Variants in ABL1 observed in about 807,000 individuals in gnomAD.
ABL1 encodes the protein ABL proto-oncogene 1, non-receptor tyrosine kinase, also known as tyrosine-protein kinase ABL1.
Under a neutral mutation model 94.7 loss-of-function variants are expected in ABL1, and 11 were observed. The observed-to-expected ratio is 0.12, with a 90% CI of 0.07 to 0.19. ABL1 has a LOEUF of 0.19. Ranked by LOEUF, ABL1 falls within the 10% of genes least tolerant of loss-of-function variation. The pLI, the probability that ABL1 is intolerant of heterozygous loss-of-function variation, is 1.00. For synonymous variants in ABL1, 656 were observed against 622.4 expected (o/e 1.05, Z -0.80); for missense variants, 1,082 against 1,489.4 (o/e 0.73, Z 4.50).
At chr9:130,713,922 A>G (rs34616588) in exon 1 of ABL1, 9,102 of 234,566 alleles carry the variant, frequency 0.039, 297 homozygotes, top group African/African-American at 0.1. Flanking sequence ...GGAGTAGCCA[A>G]AGACCATCAG....
At chr9:130,759,726 A>G (rs1180169188) in intron 1 of ABL1, among the ~76,000 whole-genome samples, 1 of 152,188 alleles carries the variant, frequency 6.6e-6, no homozygotes, top group African/African-American at 2.4e-5. Context: ...ACCATGTCTC[A>G]GTGGTGGAGC....
chr9:130,862,845 C>T lies in ABL1; in HGVS notation c.632C>T (p.Thr211Ile). 1.9e-6 allele frequency: 3 copies of T among 1,613,966 alleles called. No individual in the cohort carries two copies. The highest frequency in any genetic ancestry group is 2.5e-6 in the Non-Finnish European group (3 of 1,180,006). Residue 211 changes from threonine (T) to isoleucine (I), a missense_variant, in exon 4 of 11, where the codon ACC becomes ATC. Around this residue, in one of 7 missense-constraint regions of ABL1, gnomAD observed 92 missense variants for 212.3 expected, o/e 0.43. Coordinates refer to ENST00000318560, the MANE Select transcript of ABL1 (RefSeq NM_005157.6). The surrounding 1 kb of genome is among the most constrained non-coding windows in gnomAD (Gnocchi z 5.5). Reference protein sequence around the residue: ...HHSTVADGLITTLHYPAPKRN... With the variant: ...HHSTVADGLIITLHYPAPKRN... ...TCAACGGTGGCCGACGGGCTCATCA[C>T]CACGCTCCATTATCCAGCCCCAAAG...
At chr9:130,878,031 T>G (rs991833084) in intron 7 of ABL1, among the ~76,000 whole-genome samples, 3 of 152,132 alleles carry the variant, frequency 2.0e-5, no homozygotes, top group African/African-American at 4.8e-5. Flanking sequence ...GCCAGGATGG[T>G]CTCAATCTCC....
intron 8 of ABL1, 98 bp downstream of exon 8, chr9:130,878,665 A>G (rs1831394035): frequency 2.1e-6 from 3 of 1,431,372 alleles, no homozygotes; most frequent in African/African-American, 2.8e-5. Flanking sequence ...TTTTTCCATG[A>G]GCTCTCTCCA....
chr9:130,874,502 C>T (rs150533552), intron 6 of ABL1, among the ~76,000 whole-genome samples: 214 of 152,282 alleles, frequency 1.4e-3, no homozygotes, highest in African/African-American at 4.9e-3. Flanking sequence ...TTACTATTCT[C>T]GACACTTCAA....
At chr9:130,865,930 T>C (rs990840010) in intron 4 of ABL1, among the ~76,000 whole-genome samples, 6 of 152,202 alleles carry the variant, frequency 3.9e-5, no homozygotes. Flanking sequence ...TCCCGGACCC[T>C]AAAATCCCAA....
intron 1 of ABL1, among the ~76,000 whole-genome samples, chr9:130,827,922 T>TAAAC (rs1436345647): frequency 2.1e-5 from 3 of 145,218 alleles, no homozygotes; most frequent in Admixed American, 1.4e-4. Flanking sequence ...AATAAATAAA[T>TAAAC]AAATAAATAA....
Position 130,884,310 on chromosome 9 carries a change from C to T in ABL1, c.2020C>T (p.Arg674Trp), listed in dbSNP as rs776289598. The T allele has an allele frequency of 8.7e-6, 14 of 1,610,938 alleles. No individual in the cohort carries two copies. The highest frequency in any genetic ancestry group is 5.5e-5 in the South Asian group (5 of 90,890). The change falls in exon 11 of 11, where the codon CGG (arginine) becomes TGG (tryptophan). Residue 674 changes from arginine (R) to tryptophan (W), a missense_variant. Coordinates refer to ENST00000318560, the MANE Select transcript of ABL1 (RefSeq NM_005157.6). This position sits in a 1 kb window ranked among gnomAD's most constrained non-coding sequence, Gnocchi z 5.6. ...GGCTGGGGTCCCCAATGGAGCCCTCCGGGAGTCCGGGGGCTCAGGCTTCCG... is the reference window on the plus strand; with the variant it reads ...GGCTGGGGTCCCCAATGGAGCCCTCTGGGAGTCCGGGGGCTCAGGCTTCCG... ...NGAGVPNGALRESGGSGFRSP... is the reference protein window; with the variant it reads ...NGAGVPNGALWESGGSGFRSP...
intron 1 of ABL1, among the ~76,000 whole-genome samples, chr9:130,740,115 T>C (rs1293688998): frequency 6.6e-6 from 1 of 152,212 alleles, no homozygotes; most frequent in African/African-American, 2.4e-5. Context: ...CAACTTCCAC[T>C]GAAGTGGGAA....
In ABL1 at chr9:130,863,152, G is replaced by A. The variant is rs1016277488; in HGVS notation, c.822+117G>A. 2.0e-5 allele frequency: 24 copies of A among 1,229,382 alleles called. No individual in the cohort carries two copies. The highest frequency in any genetic ancestry group is 8.6e-5 in the Admixed American group (3 of 34,778). The allele number at this position is 1,229,382 out of a possible 1,614,324, so 76.2% of individuals were successfully genotyped here. A position where few individuals can be genotyped will look rare whatever the true frequency, so the allele number is the denominator to read the frequency against. ...CCTGCTGTCCGAGGGCTTCATTGGC[G>A]CCACGGAATTGACTTTTCCGTCTTA... On this transcript the variant is annotated intron_variant, in intron 4 of 10. Transcript: ENST00000318560. This position sits in a 1 kb window ranked among gnomAD's most constrained non-coding sequence, Gnocchi z 4.3.
upstream of ABL1, among the ~76,000 whole-genome samples, chr9:130,831,680 C>T (rs1412120746): frequency 2.0e-5 from 3 of 152,206 alleles, no homozygotes; most frequent in East Asian, 5.8e-4. Context: ...GCAATCTTGG[C>T]ACACTGCAAC....
At chr9:130,829,552 G>A (rs545409047) in intron 1 of ABL1, among the ~76,000 whole-genome samples, 1 of 137,072 alleles carries the variant, frequency 7.3e-6, no homozygotes, top group South Asian at 2.2e-4. Context: ...GTGACAGAGC[G>A]AGACTACGTC....
In ABL1 at chr9:130,735,961, A is replaced by ATATATATTTTTT. The variant is rs573602038; in HGVS notation, c.136+21507_136+21508insATATATTTTTTT. On this transcript the variant is annotated intron_variant, in intron 1 of 10. Transcript: ENST00000372348. Reference sequence around the variant, plus strand: ...TATATATATATATATATATATATATATTTTTTTTTTTTAAGACAGGGTCTG... The same window carrying ATATATATTTTTT: ...TATATATATATATATATATATATATATATATATTTTTTTTTTTTTTTTTTAAGACAGGGTCTG... Among the ~76,000 whole-genome samples, 88 of 94,812 alleles carry ATATATATTTTTT rather than the reference A, an allele frequency of 9.3e-4. 1 individual carries two copies. The highest frequency in any genetic ancestry group is 4.8e-3 in the Middle Eastern group (1 of 208). The allele number at this position is 94,812 out of a possible 152,430, so 62.2% of individuals were successfully genotyped here. A position where few individuals can be genotyped will look rare whatever the true frequency, so the allele number is the denominator to read the frequency against.
chr9:130,861,555 CCTTTT>C (rs1161869506), intron 3 of ABL1, among the ~76,000 whole-genome samples: 5 of 152,134 alleles, frequency 3.3e-5, no homozygotes, highest in South Asian at 4.1e-4. Flanking sequence ...CTTTTTCTTC[CCTTTT>C]CTTTTTTTTT....
rs377034573 is a variant in ABL1, at chr9:130,885,335, C to G, written c.3045C>G (p.Thr1015=). 2.7e-5 allele frequency: 44 copies of G among 1,613,706 alleles called. No homozygotes were observed. In the African/African-American group the frequency reaches 4.8e-4, roughly 18 times the overall value. ...CAACCCGAGTGTCTCTTCGGAAAACCCGCCAGCCTCCAGAGCGGATCGCCA... is the reference window on the plus strand; with the variant it reads ...CAACCCGAGTGTCTCTTCGGAAAACGCGCCAGCCTCCAGAGCGGATCGCCA... ...LISTRVSLRK[T]RQPPERIASG... is the part of the protein sequence containing the mutation. Residue 1015 remains threonine (T), a synonymous_variant, in exon 11 of 11, where the codon ACC becomes ACG. Transcript: ENST00000318560.
intron 1 of ABL1, among the ~76,000 whole-genome samples, chr9:130,811,869 G>T (rs1442922716): frequency 1.5e-5 from 2 of 132,942 alleles, no homozygotes; most frequent in Admixed American, 9.0e-5. Context: ...CGGAGATAGT[G>T]CTACTGCACT....
At chr9:130,751,947 G>T (rs374246925) in intron 1 of ABL1, among the ~76,000 whole-genome samples, 1 of 152,132 alleles carries the variant, frequency 6.6e-6, no homozygotes, top group Admixed American at 6.5e-5. Flanking sequence ...TTCAGCCTCC[G>T]CACTATTAGA....
At chr9:130,830,660 C>T (rs1830484118), upstream of ABL1, among the ~76,000 whole-genome samples, 1 of 152,188 alleles carries the variant, frequency 6.6e-6, no homozygotes, top group African/African-American at 2.4e-5. Context: ...GGAACACAGA[C>T]CTGATACAGA....
At chr9:130,827,796 A>C (rs1830443540) in intron 1 of ABL1, among the ~76,000 whole-genome samples, 1 of 151,868 alleles carries the variant, frequency 6.6e-6, no homozygotes, top group Non-Finnish European at 1.5e-5. Context: ...TGGGAGGCTG[A>C]GGCAGGAGAA....
Sources: allele counts gnomAD v4.1 joint callset (sites outside exome capture counted in the v4.1 genomes callset), GRCh38; gene constraint gnomAD v4.1.1; regional missense constraint gnomAD v4.1.1; non-coding constraint Gnocchi (gnomAD v3.1); transcripts MANE v1.5; gene names NCBI Gene and HGNC (gene_info 2026-07-23, HGNC 2026-07-21).